Variants in LAMA5 observed in about 807,000 individuals in gnomAD.
LAMA5 encodes laminin subunit alpha-5.
LAMA5 carries 260 observed loss-of-function variants against 433.4 expected under a neutral mutation model. The observed-to-expected ratio is 0.60, with a 90% CI of 0.54 to 0.66. LAMA5 has a LOEUF of 0.66. Among genes scored for constraint, LAMA5 ranks in the 30% least tolerant of loss-of-function variants. LAMA5 has a pLI of 0.00. For synonymous variants in LAMA5, 2,620 were observed against 2,226.6 expected (o/e 1.18, Z -4.97); for missense variants, 5,378 against 5,258.5 (o/e 1.02, Z -0.70).
chr20:62,362,588 G>T, intron 1 of LAMA5, 36 bp from the exon 2 acceptor site: 1 of 1,455,994 alleles, frequency 6.9e-7, no homozygotes, highest in African/African-American at 1.4e-5. Context: ...TAGCCGAGAA[G>T]GGCCGGGGCC....
In LAMA5 at chr20:62,314,812, C is replaced by T. The variant is rs143210371; in HGVS notation, c.8183G>A (p.Gly2728Glu). The stretch of plus-strand genomic sequence containing the variant: ...ACTCTCACCCACCTTACTGGCAGCC[C>T]CCCGGGCCTGGGCAATGAGCTCTCG... ...RVRELIAQAR[G>E]AASKVKVPMK... Residue 2728 changes from glycine to glutamate, a missense_variant, in exon 60 of 80, where the codon GGG becomes GAG. By Grantham distance (98) the Gly-to-Glu change is moderately conservative. Transcript: ENST00000252999. 8 of 1,612,874 alleles carry T rather than the reference C, an allele frequency of 5.0e-6. No individual in the cohort carries two copies. Among genetic ancestry groups the T allele is most frequent in the East Asian group, 4.5e-5 (2 of 44,876 alleles).
intron 11 of LAMA5, among the ~76,000 whole-genome samples, chr20:62,340,221 A>G (rs1203584657): frequency 1.3e-5 from 2 of 151,938 alleles, no homozygotes; most frequent in East Asian, 1.9e-4. Context: ...ATGGAGATAC[A>G]TAGGTAGACT....
In LAMA5 at chr20:62,310,834, G is replaced by A. The variant is rs377621016; in HGVS notation, c.10282-5C>T. ...CTTCTCCCAGCGCACGGAGACCTGG[G>A]GGCAGGAGATGGGTCAGGGTAGGGC... On this transcript the variant is annotated splice_region_variant and splice_polypyrimidine_tract_variant and intron_variant, in intron 74 of 79. Transcript: ENST00000252999. The A allele has an allele frequency of 3.2e-6, 5 of 1,572,748 alleles. No homozygotes were observed. The highest frequency in any genetic ancestry group is 1.8e-5 in the Admixed American group (1 of 55,012).
Position 62,322,424 on chromosome 20 carries a change from C to T in LAMA5, c.6191G>A (p.Cys2064Tyr). ...CQEGHFGFDG[C>Y]GGCRPCACGP... ...ACAAGCACACGGGCGGCAGCCCCCG[C>T]AGCCATCGAAACCAAAATGTCCCTC... The change falls in exon 47 of 80, where the codon TGC (cysteine) becomes TAC (tyrosine). Residue 2064 changes from cysteine (C) to tyrosine (Y), a missense_variant. Physicochemically the swap from Cys to Tyr is radical, Grantham distance 194. Coordinates refer to ENST00000252999, the MANE Select transcript of LAMA5 (RefSeq NM_005560.6). 1.3e-6 allele frequency: 2 copies of T among 1,592,608 alleles called. No individual in the cohort carries two copies. The highest frequency in any genetic ancestry group is 2.3e-5 in the East Asian group (1 of 43,826).
At chr20:62,317,218 G>A (rs1255917202) in intron 55 of LAMA5, 127 bp downstream of exon 55, 4 of 1,229,068 alleles carry the variant, frequency 3.3e-6, no homozygotes, top group Non-Finnish European at 3.3e-6. Flanking sequence ...TGGAGCTGAG[G>A]AAGGCCTGGC....
chr20:62,326,998 C>T (rs761277516), intron 38 of LAMA5, 32 bp from the exon 39 acceptor site: 3 of 1,488,928 alleles, frequency 2.0e-6, no homozygotes, highest in East Asian at 2.3e-5. Context: ...GTGACCTGGC[C>T]AGACTCTGGC....
intron 8 of LAMA5, 32 bp from the exon 9 acceptor site, chr20:62,346,628 G>A: frequency 6.2e-7 from 1 of 1,610,266 alleles, no homozygotes; most frequent in Non-Finnish European, 8.5e-7. Context: ...AGTCTGGGGA[G>A]GTCCCTGCCC....
At position 62,315,552 on chromosome 20, in the gene LAMA5, C is replaced by T. The variant is rs1313490441; in HGVS notation, c.7868-345G>A. Among the ~76,000 whole-genome samples the T allele has an allele frequency of 5.3e-5, 8 of 152,226 alleles. No individual in the cohort carries two copies. In the East Asian group the frequency reaches 7.8e-4, roughly 15 times the overall value. ...CAGAAACTGGGTGAGGCACATCGTC[C>T]TCTGCTCCAAGCCTCTCAGGGTGGG... On this transcript the variant is annotated intron_variant, in intron 58 of 79. Transcript: ENST00000252999.
rs1224135849 is a variant in LAMA5 at position 62,309,760 on chromosome 20, G to T, written c.10904C>A (p.Ala3635Asp). Residue 3635 changes from alanine (A) to aspartate (D), a missense_variant, in exon 79 of 80, where the codon GCT becomes GAT. Ala to Asp is a moderately radical substitution (Grantham distance 126, BLOSUM62 -2). Transcript: ENST00000252999. ...SNHTVGPLLAAAAGAPAPLYL... is the reference protein window; with the variant it reads ...SNHTVGPLLADAAGAPAPLYL... ...CAGAGGGGCTGGGGCACCAGCTGCAGCCGCCAGCAAGGGGCCCACGGTGTG... is the reference window on the plus strand; with the variant it reads ...CAGAGGGGCTGGGGCACCAGCTGCATCCGCCAGCAAGGGGCCCACGGTGTG... 1 of 1,604,924 alleles carries T rather than the reference G, an allele frequency of 6.2e-7. No homozygotes were observed. The highest frequency in any genetic ancestry group is 8.5e-7 in the Non-Finnish European group (1 of 1,177,616).
Position 62,320,750 on chromosome 20 carries a change from C to A in LAMA5, c.6637G>T (p.Ala2213Ser), listed in dbSNP as rs140781444. ...ARLHRLNASI[A>S]DLQSQLRSPL... ...AGGACGCTCAGTACCTGCAGGTCAG[C>A]GATGGAGGCGTTCAGCCTGTGCAGA... The change falls in exon 49 of 80, where the codon GCT becomes TCT. Residue 2213 changes from alanine (A) to serine (S), a missense_variant. By Grantham distance (99) the Ala-to-Ser change is moderately conservative. Transcript: ENST00000252999. 2 of 1,612,490 alleles carry A rather than the reference C, an allele frequency of 1.2e-6. No individual in the cohort carries two copies. Among genetic ancestry groups the A allele is most frequent in the Non-Finnish European group, 1.7e-6 (2 of 1,179,900 alleles).
At position 62,353,213 on chromosome 20, in the gene LAMA5, G is replaced by C. The variant is rs1046825007; in HGVS notation, c.489C>G (p.Asn163Lys). ...GCACCCAGAGGTCCGGCCGGGGTGA[G>C]TTGGCAAACTTGATGAGGACGTAGG... is the stretch of plus-strand genomic sequence containing the variant. ...HVAYVLIKFA[N>K]SPRPDLWVLE... The change falls in exon 3 of 80, where the codon AAC becomes AAG. Residue 163 changes from asparagine to lysine, a missense_variant. Asn to Lys is a moderately conservative substitution (Grantham distance 94, BLOSUM62 0). Coordinates refer to ENST00000252999, the MANE Select transcript of LAMA5 (RefSeq NM_005560.6). The C allele has an allele frequency of 6.3e-7, 1 of 1,593,470 alleles. No homozygotes were observed. Among genetic ancestry groups the C allele is most frequent in the Non-Finnish European group, 8.5e-7 (1 of 1,170,806 alleles).
intron 11 of LAMA5, among the ~76,000 whole-genome samples, chr20:62,340,752 C>T (rs115749229): frequency 0.015 from 2,270 of 152,118 alleles, 58 homozygotes; most frequent in African/African-American, 0.051. Context: ...AAGGCAGAAA[C>T]TGCCAGGCGC....
chr20:62,320,875 A>T lies in LAMA5; in HGVS notation c.6512T>A (p.Val2171Glu). 1 of 1,610,284 alleles carries T rather than the reference A, an allele frequency of 6.2e-7. No individual in the cohort carries two copies. The highest frequency in any genetic ancestry group is 8.5e-7 in the Non-Finnish European group (1 of 1,178,710). The part of the protein sequence containing the change: ...SIHCEVCDHC[V>E]VLLLDDLERA... ...TTCCAGGTCATCCAGGAGCAGGACC[A>T]CACAGTGGTCACACACTGCAGGCGA... Residue 2171 changes from valine (V) to glutamate (E), a missense_variant, in exon 49 of 80, where the codon GTG becomes GAG. Physicochemically the swap from Val to Glu is moderately radical, Grantham distance 121. Transcript: ENST00000252999.
intron 48 of LAMA5, among the ~76,000 whole-genome samples, chr20:62,321,620 GGGCCAGCGGAGGA>G (rs1361122904): frequency 8.4e-6 from 1 of 119,314 alleles, no homozygotes. Context: ...TGAAGGGGTG[GGGCCAGCGGAGGA>G]GGTGCAGCCA....
In LAMA5 at chr20:62,324,694, G is replaced by A. The variant is rs1978949699; in HGVS notation, c.5530-140C>T. 3.1e-6 allele frequency: 2 copies of A among 636,898 alleles called. No homozygotes were observed. The highest frequency in any genetic ancestry group is 5.7e-6 in the Non-Finnish European group (2 of 350,832). 39.5% of individuals were successfully genotyped at this position (636,898 alleles called of 1,614,324 possible). ...GTGGAGCATGGTCACCGCTGGGTCA[G>A]AGGCTGGTCAGGAACTCCTGGCCTC... On this transcript the variant is annotated intron_variant, in intron 41 of 79. Transcript: ENST00000252999. The surrounding 1 kb of genome is among the most constrained non-coding windows in gnomAD (Gnocchi z 4.4).
chr20:62,317,723 G>C lies in LAMA5; in HGVS notation c.7295C>G (p.Ala2432Gly). The C allele has an allele frequency of 1.2e-6, 2 of 1,607,122 alleles. No individual in the cohort carries two copies. Among genetic ancestry groups the C allele is most frequent in the South Asian group, 1.1e-5 (1 of 90,170 alleles). Reference protein sequence around the residue: ...DNATLQATLHAARDTLASVFR... With the variant: ...DNATLQATLHGARDTLASVFR... ...GACGCTGGCCAGGGTGTCCCTAGCC[G>C]CATGCAGAGTGGCCTGCAGGGTGGC... Residue 2432 changes from alanine (A) to glycine (G), a missense_variant, in exon 54 of 80, where the codon GCG becomes GGG. Transcript: ENST00000252999.
rs1261930895 is a variant in LAMA5 at position 62,314,353 on chromosome 20, T to C, written c.8455A>G (p.Ser2819Gly). Reference protein sequence around the residue: ...QLGEAGPAVLSIDEDIGEQFA... With the variant: ...QLGEAGPAVLGIDEDIGEQFA... ...TGCTCCCCAATGTCCTCATCGATGC[T>C]TAGGACTGCAGGGCCCGCCTCACCC... is the stretch of plus-strand genomic sequence containing the variant. The change falls in exon 62 of 80, where the codon AGC (serine) becomes GGC (glycine). Residue 2819 changes from serine to glycine, a missense_variant. Physicochemically the swap from Ser to Gly is moderately conservative, Grantham distance 56 (BLOSUM62 0). Coordinates refer to ENST00000252999, the MANE Select transcript of LAMA5 (RefSeq NM_005560.6). 1 of 1,613,346 alleles carries C rather than the reference T, an allele frequency of 6.2e-7. No individual in the cohort carries two copies. Among genetic ancestry groups the C allele is most frequent in the East Asian group, 2.2e-5 (1 of 44,864 alleles).
rs772354595 is a variant in LAMA5, at chr20:62,312,304, T to C, written c.9373A>G (p.Met3125Val). 5 of 1,610,168 alleles carry C rather than the reference T, an allele frequency of 3.1e-6. No homozygotes were observed. In the Admixed American group the frequency reaches 8.4e-5, roughly 27 times the overall value. ...AGGAAGCCGTGGCCATGGAAAGTCA[T>C]GGCGCGCCCCACCTGCGGGGAGGCC... Reference protein sequence around the residue: ...CTADLLVGRAMTFHGHGFLRL... With the variant: ...CTADLLVGRAVTFHGHGFLRL... The change falls in exon 69 of 80, where the codon ATG becomes GTG. Residue 3125 changes from methionine to valine, a missense_variant. Met to Val is a conservative substitution (Grantham distance 21, BLOSUM62 1). Transcript: ENST00000252999.
Position 62,360,265 on chromosome 20 carries a change from G to A in LAMA5, c.450+2135C>T, listed in dbSNP as rs1385957254. 1.0e-4 allele frequency among the ~76,000 whole-genome samples: 12 copies of A among 117,956 alleles called. No individual in the cohort carries two copies. In the East Asian group the frequency reaches 2.7e-3, roughly 27 times the overall value. The allele number at this position is 117,956 out of a possible 152,430, so 77.4% of individuals were successfully genotyped here. Reference sequence around the variant, plus strand: ...TGGAGGGAGGAATGAGCAGACAGGTGGACAGATGGATGGAAACAAGGAATA... The same window carrying A: ...TGGAGGGAGGAATGAGCAGACAGGTAGACAGATGGATGGAAACAAGGAATA... On this transcript the variant is annotated intron_variant, in intron 2 of 79. Transcript: ENST00000252999.
Sources: gnomAD v4.1 joint callset for allele counts (sites outside exome capture counted in the v4.1 genomes callset) on GRCh38, gnomAD v4.1.1 for gene constraint, Gnocchi (gnomAD v3.1) non-coding constraint, MANE v1.5 for transcripts, NCBI Gene and HGNC (gene_info 2026-07-23, HGNC 2026-07-21) for gene names.